Variants in RAD51B observed in about 807,000 individuals in gnomAD.
RAD51B encodes the protein RAD51 paralog B, also known as DNA repair protein RAD51 homolog 2.
In RAD51B, 38 loss-of-function variants were observed where a neutral mutation model predicts 42.2. That is an observed-to-expected ratio of 0.90 (90% CI 0.70 to 1.18). The LOEUF (loss-of-function observed/expected upper bound fraction) is 1.18. RAD51B is among the 50% of genes most tolerant of loss of function. The pLI is 0.00. For missense variants in RAD51B, 373 were observed against 400.7 expected, an observed-to-expected ratio of 0.93 and a Z score of 0.59; for synonymous variants, 154 against 145.2, an observed-to-expected ratio of 1.06 and a Z score of -0.43.
intron 10 of RAD51B, among the ~76,000 whole-genome samples, chr14:68,636,056 C>A (rs907560625): frequency 1.3e-5 from 2 of 152,288 alleles, no homozygotes; most frequent in East Asian, 1.9e-4. Flanking sequence ...AGGCCTCCAG[C>A]CGTGAGTGCT....
intron 7 of RAD51B, among the ~76,000 whole-genome samples, chr14:68,101,361 TC>T (rs2077286138): frequency 6.6e-6 from 1 of 152,064 alleles, no homozygotes; most frequent in Admixed American, 6.6e-5. Context: ...AAAGTCCAAG[TC>T]CAAAGTCTCA....
In RAD51B at chr14:68,434,617, A is replaced by AC. The variant is rs202122053; in HGVS notation, c.957+23092dup. Among the ~76,000 whole-genome samples the AC allele has an allele frequency of 5.3e-3, 806 of 152,274 alleles. 11 individuals are homozygous for AC. Among genetic ancestry groups the AC allele is most frequent in the African/African-American group, 0.018 (761 of 41,526 alleles). Reference sequence around the variant, plus strand: ...AAAGCGCAGTATTAGGGTGAGAGTGACCTGATTTTCCAGGTGCTGTCGGTC... The same window carrying AC: ...AAAGCGCAGTATTAGGGTGAGAGTGACCCTGATTTTCCAGGTGCTGTCGGTC... On this transcript the variant is annotated intron_variant, in intron 9 of 10. Coordinates refer to ENST00000471583, the MANE Select transcript of RAD51B (RefSeq NM_133510.4).
intron 7 of RAD51B, among the ~76,000 whole-genome samples, chr14:68,001,489 G>C (rs2075481538): frequency 6.6e-6 from 1 of 152,092 alleles, no homozygotes; most frequent in Non-Finnish European, 1.5e-5. Flanking sequence ...TAATGGACAA[G>C]GCAGTAGAGA....
At chr14:68,106,143 A>G (rs1379455699) in intron 7 of RAD51B, among the ~76,000 whole-genome samples, 1 of 151,936 alleles carries the variant, frequency 6.6e-6, no homozygotes, top group African/African-American at 2.4e-5. Flanking sequence ...TGGTTTGAGC[A>G]TTCGTTTTGT....
chr14:68,444,440 TTGTGTGTGTG>T (rs3837661), intron 9 of RAD51B, among the ~76,000 whole-genome samples: 3 of 150,270 alleles, frequency 2.0e-5, no homozygotes, highest in African/African-American at 4.9e-5. Context: ...GAATTGTGAA[TTGTGTGTGTG>T]TGTGTGTGTG....
At chr14:68,395,754 C>T (rs757773451) in intron 8 of RAD51B, among the ~76,000 whole-genome samples, 18 of 152,152 alleles carry the variant, frequency 1.2e-4, no homozygotes, top group Non-Finnish European at 2.1e-4. Flanking sequence ...AGCAATCATC[C>T]TGACTCAAGG....
intron 7 of RAD51B, among the ~76,000 whole-genome samples, chr14:67,998,583 A>G (rs940273685): frequency 6.6e-6 from 1 of 152,244 alleles, no homozygotes; most frequent in Non-Finnish European, 1.5e-5. Flanking sequence ...AATAATTAAA[A>G]TGAGATATTA....
downstream of RAD51B, among the ~76,000 whole-genome samples, chr14:68,600,007 C>A (rs1473841390): frequency 6.6e-5 from 10 of 152,166 alleles, no homozygotes; most frequent in South Asian, 6.2e-4. Context: ...TCTGACCAAA[C>A]CCCCATCGAA....
At chr14:68,338,185 C>T (rs75811719) in intron 8 of RAD51B, among the ~76,000 whole-genome samples, 447 of 152,256 alleles carry the variant, frequency 2.9e-3, no homozygotes, top group African/African-American at 9.9e-3. Flanking sequence ...CTCACATAAC[C>T]CAACAGCATG....
At chr14:67,954,674 C>A (rs2140215040) in intron 7 of RAD51B, among the ~76,000 whole-genome samples, 1 of 152,208 alleles carries the variant, frequency 6.6e-6, no homozygotes, top group East Asian at 1.9e-4. Flanking sequence ...ACTACTCTTT[C>A]AAGGATTTAG....
intron 8 of RAD51B, among the ~76,000 whole-genome samples, chr14:68,294,874 T>TTGTC (rs1310312060): frequency 6.6e-6 from 1 of 152,216 alleles, no homozygotes; most frequent in Non-Finnish European, 1.5e-5. Context: ...ACTTCTGGTC[T>TTGTC]TGTCTGTCTG....
At chr14:68,087,352 C>T (rs913992230) in intron 7 of RAD51B, among the ~76,000 whole-genome samples, 11 of 151,944 alleles carry the variant, frequency 7.2e-5, no homozygotes, top group Admixed American at 7.2e-4. Flanking sequence ...GTTCTGAGAC[C>T]CTCTGGAGAC....
At chr14:68,626,642 G>C (rs892326330) in intron 10 of RAD51B, among the ~76,000 whole-genome samples, 1 of 152,194 alleles carries the variant, frequency 6.6e-6, no homozygotes, top group Non-Finnish European at 1.5e-5. Context: ...TCTGTGGCTT[G>C]GACTTCTCAC....
chr14:68,361,956 A>G (rs2083034495), intron 8 of RAD51B, among the ~76,000 whole-genome samples: 3 of 152,176 alleles, frequency 2.0e-5, no homozygotes, highest in Admixed American at 6.5e-5. Flanking sequence ...GATTACAGGC[A>G]TGAACCACTG....
intron 7 of RAD51B, among the ~76,000 whole-genome samples, chr14:68,043,950 A>G (rs2076255764): frequency 6.6e-6 from 1 of 152,230 alleles, no homozygotes. Flanking sequence ...AACTTTACAA[A>G]TGAGTACCAA....
At chr14:68,453,142 A>G (rs2085599963) in intron 9 of RAD51B, among the ~76,000 whole-genome samples, 1 of 152,218 alleles carries the variant, frequency 6.6e-6, no homozygotes, top group East Asian at 1.9e-4. Flanking sequence ...GGAGATAGAA[A>G]AACTAAAGTT....
At chr14:68,325,030 C>T (rs549578974) in intron 8 of RAD51B, among the ~76,000 whole-genome samples, 1 of 152,254 alleles carries the variant, frequency 6.6e-6, no homozygotes, top group South Asian at 2.1e-4. Context: ...TAATAAATTC[C>T]ATTAGTGGAG....
At chr14:68,117,719 T>C (rs749407355) in intron 7 of RAD51B, among the ~76,000 whole-genome samples, 1 of 152,208 alleles carries the variant, frequency 6.6e-6, no homozygotes, top group Non-Finnish European at 1.5e-5. Flanking sequence ...TGCCCAGAAA[T>C]TGCTTTAACA....
intron 10 of RAD51B, among the ~76,000 whole-genome samples, chr14:68,529,406 C>T (rs1887136619): frequency 6.6e-6 from 1 of 152,238 alleles, no homozygotes; most frequent in Non-Finnish European, 1.5e-5. Context: ...CCATGTTGGC[C>T]AGGCTGGTCT....
Sources: allele counts gnomAD v4.1 joint callset (sites outside exome capture counted in the v4.1 genomes callset), GRCh38; gene constraint gnomAD v4.1.1; transcripts MANE v1.5; gene names NCBI Gene and HGNC (gene_info 2026-07-23, HGNC 2026-07-21).